KAZN: variants seen among roughly 807,000 people sequenced by gnomAD.
KAZN encodes kazrin.
A neutral mutation model predicts 87.4 loss-of-function variants in KAZN; 40 were observed. That is an observed-to-expected ratio of 0.46 (90% CI 0.36 to 0.60). KAZN has a LOEUF of 0.60. KAZN is among the 20% of genes least tolerant of loss of function. KAZN has a pLI of 0.00. For synonymous variants in KAZN, 466 were observed against 458.3 expected, an observed-to-expected ratio of 1.02 and a Z score of -0.22; for missense variants, 898 against 1,073.9, an observed-to-expected ratio of 0.84 and a Z score of 2.29.
intron 1 of KAZN, among the ~76,000 whole-genome samples, chr1:14,925,999 A>G (rs1173134649): frequency 6.6e-6 from 1 of 152,220 alleles, no homozygotes; most frequent in African/African-American, 2.4e-5. Context: ...AATAGTACCA[A>G]CTAAAGATCT....
chr1:14,857,963 C>G (rs1472674612), intron 1 of KAZN, among the ~76,000 whole-genome samples: 1 of 152,252 alleles, frequency 6.6e-6, no homozygotes, highest in East Asian at 1.9e-4. Context: ...TCTTATCCTC[C>G]CCCGACTTCC....
chr1:14,006,676 C>G (rs952447458), intron 1 of KAZN, among the ~76,000 whole-genome samples: 1 of 152,006 alleles, frequency 6.6e-6, no homozygotes, highest in Admixed American at 6.6e-5. Flanking sequence ...CTTCTGAGCT[C>G]TATATTCTGT....
intron 1 of KAZN, among the ~76,000 whole-genome samples, chr1:14,119,949 C>T (rs1644715053): frequency 1.2e-5 from 1 of 85,112 alleles, no homozygotes; most frequent in Non-Finnish European, 2.3e-5. Context: ...AAGTAGGATG[C>T]CCATTTCAGA....
chr1:14,339,101 A>T (rs1657491903), intron 2 of KAZN, among the ~76,000 whole-genome samples: 1 of 146,314 alleles, frequency 6.8e-6, no homozygotes, highest in Non-Finnish European at 1.5e-5. Flanking sequence ...AGAGAGACAG[A>T]GACTGAGAGA....
At chr1:15,070,066 G>A (rs890375840) in intron 8 of KAZN, among the ~76,000 whole-genome samples, 3 of 152,338 alleles carry the variant, frequency 2.0e-5, no homozygotes, top group African/African-American at 7.2e-5. Flanking sequence ...ATGGAGCTGG[G>A]AGACAATAGA....
chr1:14,117,713 T>A (rs1644658592), intron 1 of KAZN, among the ~76,000 whole-genome samples: 1 of 152,138 alleles, frequency 6.6e-6, no homozygotes, highest in African/African-American at 2.4e-5. Context: ...CCTGGCCATG[T>A]CACTTAGCCT....
chr1:14,924,963 G>C (rs1169859379), intron 1 of KAZN, among the ~76,000 whole-genome samples: 1 of 152,248 alleles, frequency 6.6e-6, no homozygotes. Flanking sequence ...CGGCCCCCGC[G>C]GAGTGCCGAG....
chr1:14,518,423 C>T (rs1275366045), intron 2 of KAZN, among the ~76,000 whole-genome samples: 7 of 152,034 alleles, frequency 4.6e-5, no homozygotes, highest in African/African-American at 1.4e-4. Context: ...GTTATCCGCC[C>T]GCCTCAGCCT....
At chr1:14,132,362 T>C (rs920902227) in intron 1 of KAZN, among the ~76,000 whole-genome samples, 7 of 152,096 alleles carry the variant, frequency 4.6e-5, no homozygotes, top group Non-Finnish European at 1.0e-4. Flanking sequence ...AGCGTGATAC[T>C]ACCAGGGTCC....
intron 2 of KAZN, among the ~76,000 whole-genome samples, chr1:14,337,016 G>A (rs756291730): frequency 7.2e-5 from 11 of 152,174 alleles, no homozygotes; most frequent in Admixed American, 1.3e-4. Context: ...ATGTAAAAAT[G>A]CAATAGCATT....
chr1:14,716,674 A>G (rs1642814585), intron 1 of KAZN, among the ~76,000 whole-genome samples: 1 of 152,110 alleles, frequency 6.6e-6, no homozygotes, highest in Non-Finnish European at 1.5e-5. Flanking sequence ...AAAGGCTGGC[A>G]TTTCACCATG....
At chr1:14,764,090 G>T (rs998303666) in intron 1 of KAZN, among the ~76,000 whole-genome samples, 1 of 152,076 alleles carries the variant, frequency 6.6e-6, no homozygotes, top group Non-Finnish European at 1.5e-5. Flanking sequence ...ACCTTCTTGC[G>T]AGTCAAATAC....
chr1:14,204,601 GA>G lies in KAZN; in HGVS notation c.249+24014del, dbSNP rs539411391. On this transcript the variant is annotated intron_variant, in intron 2 of 16. Transcript: ENST00000636203. ...CTCTGGCTATCCTATTTTTGTAAAT[GA>G]AAAAGAAAATATTTAGTCATATGGC... Among the ~76,000 whole-genome samples the G allele has an allele frequency of 2.8e-3, 428 of 152,176 alleles. 4 individuals carry two copies. Among genetic ancestry groups the G allele is most frequent in the African/African-American group, 9.8e-3 (407 of 41,514 alleles).
intron 2 of KAZN, among the ~76,000 whole-genome samples, chr1:14,452,203 C>A (rs1404927872): frequency 6.6e-6 from 1 of 152,086 alleles, no homozygotes; most frequent in Non-Finnish European, 1.5e-5. Context: ...GCATCCCAAA[C>A]TGCTAGGATT....
At chr1:14,528,776 C>T (rs1672051646) in intron 2 of KAZN, among the ~76,000 whole-genome samples, 2 of 145,726 alleles carry the variant, frequency 1.4e-5, no homozygotes, top group Admixed American at 6.9e-5. Flanking sequence ...AAAAAATAGA[C>T]AGCTCTCCTC....
intron 2 of KAZN, among the ~76,000 whole-genome samples, chr1:14,441,359 G>A (rs906710044): frequency 1.1e-4 from 16 of 151,838 alleles, no homozygotes; most frequent in East Asian, 1.9e-4. Flanking sequence ...ATGTTGTTCC[G>A]GGCAGCAGCG....
intron 1 of KAZN, among the ~76,000 whole-genome samples, chr1:14,883,947 T>C (rs1653765397): frequency 6.6e-6 from 1 of 152,110 alleles, no homozygotes; most frequent in Non-Finnish European, 1.5e-5. Context: ...CAAGAAAGAA[T>C]AGGGTACAGG....
At chr1:14,514,301 G>A in intron 2 of KAZN, among the ~76,000 whole-genome samples, 1 of 107,062 alleles carries the variant, frequency 9.3e-6, no homozygotes, top group East Asian at 2.4e-4. Flanking sequence ...CTCCAGCCTG[G>A]GTGACAGAGC....
chr1:14,206,782 G>A (rs1225195219), intron 2 of KAZN, among the ~76,000 whole-genome samples: 1 of 149,506 alleles, frequency 6.7e-6, no homozygotes, highest in Non-Finnish European at 1.5e-5. Flanking sequence ...TTCAAATTGA[G>A]TTGTTGATAG....
Sources: allele counts gnomAD v4.1 joint callset (sites outside exome capture counted in the v4.1 genomes callset), GRCh38; gene constraint gnomAD v4.1.1; transcripts MANE v1.5; gene names NCBI Gene and HGNC (gene_info 2026-07-23, HGNC 2026-07-21).